ZMAT3: variants seen among roughly 807,000 people sequenced by gnomAD.
ZMAT3 encodes the protein zinc finger matrin-type protein 3.
Under a neutral mutation model 32.3 loss-of-function variants are expected in ZMAT3, and 17 were observed. That is an observed-to-expected ratio of 0.53 (90% CI 0.36 to 0.79). ZMAT3 has a LOEUF of 0.79. Among genes scored for constraint, ZMAT3 ranks in the 30% least tolerant of loss-of-function variants. The pLI, the probability that ZMAT3 is intolerant of heterozygous loss-of-function variation, is 0.00. For missense variants in ZMAT3, 329 were observed against 359.7 expected (o/e 0.91, Z 0.69); for synonymous variants, 120 against 133.1 (o/e 0.90, Z 0.68).
chr3:179,063,517 TTGAG>T (rs1308769803), intron 2 of ZMAT3, among the ~76,000 whole-genome samples: 1 of 152,246 alleles, frequency 6.6e-6, no homozygotes, highest in Admixed American at 6.5e-5. Flanking sequence ...TAAATGTACT[TTGAG>T]TAAGTAGATC....
At chr3:179,037,963 C>G (rs1272207174) in intron 2 of ZMAT3, among the ~76,000 whole-genome samples, 1 of 152,012 alleles carries the variant, frequency 6.6e-6, no homozygotes, top group African/African-American at 2.4e-5. Context: ...TACACACACA[C>G]AACCAAAGAA....
At chr3:179,067,951 T>C (rs1457425189) in intron 1 of ZMAT3, 142 bp from the exon 2 acceptor site, 3 of 732,476 alleles carry the variant, frequency 4.1e-6, no homozygotes, top group Non-Finnish European at 6.5e-6. Flanking sequence ...TTTGGCCTCA[T>C]TTAGCAGACT....
intron 2 of ZMAT3, among the ~76,000 whole-genome samples, chr3:179,044,323 G>A (rs1050115744): frequency 7.2e-5 from 11 of 152,152 alleles, no homozygotes; most frequent in African/African-American, 1.7e-4. Flanking sequence ...GAACCAACCC[G>A]AATGTCCATC....
At chr3:179,056,519 A>C (rs1204657038) in intron 2 of ZMAT3, among the ~76,000 whole-genome samples, 1 of 152,172 alleles carries the variant, frequency 6.6e-6, no homozygotes, top group Non-Finnish European at 1.5e-5. Context: ...ACGTCAAGGG[A>C]ATCACTGGAA....
intron 2 of ZMAT3, among the ~76,000 whole-genome samples, chr3:179,055,031 G>A (rs1044868186): frequency 1.3e-5 from 2 of 152,062 alleles, no homozygotes; most frequent in Admixed American, 6.6e-5. Flanking sequence ...CAGAGAACAC[G>A]AGGCTTGCCA....
chr3:179,057,058 G>A (rs574853036), intron 2 of ZMAT3, among the ~76,000 whole-genome samples: 20 of 152,246 alleles, frequency 1.3e-4, no homozygotes, highest in African/African-American at 2.2e-4. Flanking sequence ...AAAGGATTCC[G>A]CGTCCTTTCC....
In ZMAT3 at chr3:179,031,924, A is replaced by ACCTCTCC. The variant is rs1245981687; in HGVS notation, c.271-926_271-925insGGAGAGG. Among the ~76,000 whole-genome samples, 23 of 29,806 alleles carry ACCTCTCC rather than the reference A, an allele frequency of 7.7e-4. 8 individuals are homozygous for ACCTCTCC. The highest frequency in any genetic ancestry group is 4.6e-3 in the South Asian group (2 of 436). The allele number at this position is 29,806 out of a possible 152,430, so 19.6% of individuals were successfully genotyped here. On this transcript the variant is annotated intron_variant, in intron 2 of 5. Transcript: ENST00000311417. The stretch of plus-strand genomic sequence containing the variant: ...TCTGTCTCAAATAAAAAAAAAAAAA[A>ACCTCTCC]CTCTCCCTCTCCCTCCCCCTCCCCC...
chr3:179,059,668 T>C (rs1367198502), intron 2 of ZMAT3, among the ~76,000 whole-genome samples: 2 of 152,192 alleles, frequency 1.3e-5, no homozygotes, highest in African/African-American at 4.8e-5. Flanking sequence ...TGGACCAGCC[T>C]GCTAGCCCAT....
At chr3:179,031,485 T>A (rs370281357) in intron 2 of ZMAT3, among the ~76,000 whole-genome samples, 20 of 152,176 alleles carry the variant, frequency 1.3e-4, no homozygotes, top group African/African-American at 4.8e-4. Flanking sequence ...ACTACTATAG[T>A]GCTAGATTTG....
intron 2 of ZMAT3, among the ~76,000 whole-genome samples, chr3:179,031,545 A>C (rs1196317314): frequency 6.6e-6 from 1 of 152,196 alleles, no homozygotes; most frequent in Non-Finnish European, 1.5e-5. Context: ...CTAACAGAAC[A>C]ATTAAATTTT....
At chr3:179,060,107 G>A (rs945825968) in intron 2 of ZMAT3, among the ~76,000 whole-genome samples, 2 of 151,930 alleles carry the variant, frequency 1.3e-5, no homozygotes, top group African/African-American at 4.8e-5. Flanking sequence ...CCTTTGTATG[G>A]GAGCTCTTGT....
rs1343801955 is a variant in ZMAT3, at chr3:179,022,731, G to A, written c.*2286C>T. On this transcript the variant is annotated 3_prime_UTR_variant, in exon 6 of 6. Transcript: ENST00000311417. Reference sequence around the variant, plus strand: ...GTATTTGATTCTTCTGTTTCTGGGAGAAGAAAAGTTACAAAATAATTCTAC... The same window carrying A: ...GTATTTGATTCTTCTGTTTCTGGGAAAAGAAAAGTTACAAAATAATTCTAC... 3.9e-5 allele frequency: 6 copies of A among 151,934 alleles called. No homozygotes were observed. Among genetic ancestry groups the A allele is most frequent in the Admixed American group, 1.3e-4 (2 of 15,252 alleles). The allele number at this position is 151,934 out of a possible 1,614,324, so 9.4% of individuals were successfully genotyped here. A position where few individuals can be genotyped will look rare whatever the true frequency, so the allele number is the denominator to read the frequency against.
chr3:179,032,196 G>T (rs1342760040), intron 2 of ZMAT3, among the ~76,000 whole-genome samples: 7 of 151,674 alleles, frequency 4.6e-5, no homozygotes, highest in Non-Finnish European at 8.8e-5. Flanking sequence ...TGGAGACGGG[G>T]TTTCGCCGTG....
chr3:179,044,028 G>A (rs1720092777), intron 2 of ZMAT3, among the ~76,000 whole-genome samples: 1 of 151,750 alleles, frequency 6.6e-6, no homozygotes, highest in Non-Finnish European at 1.5e-5. Context: ...CCACAATGAA[G>A]ATTCACACCA....
At chr3:179,050,594 G>C (rs1056663075) in intron 2 of ZMAT3, among the ~76,000 whole-genome samples, 2 of 152,072 alleles carry the variant, frequency 1.3e-5, no homozygotes, top group Non-Finnish European at 2.9e-5. Context: ...CAAAGAAATA[G>C]GGAATCCTCC....
At position 179,067,819 on chromosome 3, in the gene ZMAT3, C is replaced by G. The variant is rs919305516; in HGVS notation, c.-57-10G>C. 1.9e-6 allele frequency: 3 copies of G among 1,558,314 alleles called. No homozygotes were observed. Among genetic ancestry groups the G allele is most frequent in the Non-Finnish European group, 1.7e-6 (2 of 1,155,622 alleles). ...AGCAAGGTCTTCAAATCTGAATCAACAGCAAAAAAACAGAAAAAAAAACTC... is the reference window on the plus strand; with the variant it reads ...AGCAAGGTCTTCAAATCTGAATCAAGAGCAAAAAAACAGAAAAAAAAACTC... On this transcript the variant is annotated splice_polypyrimidine_tract_variant and intron_variant, in intron 1 of 5. Coordinates refer to ENST00000311417, the MANE Select transcript of ZMAT3 (RefSeq NM_022470.4).
At chr3:179,065,112 T>C (rs1167070456) in intron 2 of ZMAT3, among the ~76,000 whole-genome samples, 1 of 152,226 alleles carries the variant, frequency 6.6e-6, no homozygotes, top group Non-Finnish European at 1.5e-5. Context: ...CAATATACTT[T>C]ATTATACCCA....
At chr3:179,043,798 G>A (rs539284018) in intron 2 of ZMAT3, among the ~76,000 whole-genome samples, 1 of 152,264 alleles carries the variant, frequency 6.6e-6, no homozygotes, top group Admixed American at 6.5e-5. Context: ...CCTACAGAAT[G>A]GGAGAAAATT....
chr3:179,039,360 G>A (rs565649188), intron 2 of ZMAT3, among the ~76,000 whole-genome samples: 22 of 152,322 alleles, frequency 1.4e-4, no homozygotes, highest in Admixed American at 7.2e-4. Flanking sequence ...TGCAGATTCC[G>A]GAGGAAGGAT....
Sources: gnomAD v4.1 joint callset for allele counts (sites outside exome capture counted in the v4.1 genomes callset) on GRCh38, gnomAD v4.1.1 for gene constraint, MANE v1.5 for transcripts, NCBI Gene and HGNC (gene_info 2026-07-23, HGNC 2026-07-21) for gene names.